The following ZSCAN9 variants were observed in gnomAD, a reference collection of about 807,000 sequenced individuals.
ZSCAN9 encodes zinc finger and SCAN domain containing 9, also known as zinc finger and SCAN domain-containing protein 9.
In ZSCAN9, 19 loss-of-function variants were observed where a neutral mutation model predicts 23.0. That is an observed-to-expected ratio of 0.83 (90% CI 0.58 to 1.21). The LOEUF is 1.21. ZSCAN9 is among the 50% of genes most tolerant of loss of function. The probability of loss-of-function intolerance (pLI) is 0.00; values close to 1 mark genes in which losing one functional copy is unlikely to be tolerated. For missense variants in ZSCAN9, 467 were observed against 471.5 expected, an observed-to-expected ratio of 0.99 and a Z score of 0.09; for synonymous variants, 155 against 164.8, an observed-to-expected ratio of 0.94 and a Z score of 0.46.
Position 28,233,079 on chromosome 6 carries a change from G to T in ZSCAN9, c.1086G>T (p.Gly362=). The change falls in exon 4 of 4, where the codon GGG becomes GGT. Residue 362 remains glycine, a synonymous_variant. Coordinates refer to ENST00000252207, the MANE Select transcript of ZSCAN9 (RefSeq NM_006299.5). Reference sequence around the variant, plus strand: ...TTGAACATCAGAGAAGCCACACAGGGGAGCGACCTCACCAGTGCATTGAAT... The same window carrying T: ...TTGAACATCAGAGAAGCCACACAGGTGAGCGACCTCACCAGTGCATTGAAT... ...FLIEHQRSHT[G]ERPHQCIECG... 6.2e-7 allele frequency: 1 copy of T among 1,614,088 alleles called. No homozygotes were observed. The highest frequency in any genetic ancestry group is 8.5e-7 in the Non-Finnish European group (1 of 1,180,020).
intron 3 of ZSCAN9, chr6:28,229,369 G>A (rs1760216725): frequency 6.5e-6 from 1 of 153,142 alleles, no homozygotes; most frequent in Non-Finnish European, 1.5e-5. Context: ...CTTCCAAACT[G>A]CATCTAGAAC....
chr6:28,232,829 A>T lies in ZSCAN9; in HGVS notation c.836A>T (p.Glu279Val). Residue 279 changes from glutamate (E) to valine (V), a missense_variant, in exon 4 of 4, where the codon GAA (glutamate) becomes GTA (valine). Coordinates refer to ENST00000252207, the MANE Select transcript of ZSCAN9 (RefSeq NM_006299.5). ...CGACATCAAAGAATTCATACTGGAG[A>T]AAGACCTTATGAATGTAATGAATGT... ...LIRHQRIHTG[E>V]RPYECNECGK... 6.2e-7 allele frequency: 1 copy of T among 1,614,170 alleles called. No homozygotes were observed. Among genetic ancestry groups the T allele is most frequent in the Non-Finnish European group, 8.5e-7 (1 of 1,180,026 alleles).
chr6:28,230,588 T>G, intron 3 of ZSCAN9: 1 of 1,107,456 alleles, frequency 9.0e-7, no homozygotes, highest in Non-Finnish European at 1.2e-6. Flanking sequence ...GTCCTCGGCC[T>G]TTTTCTGGGT....
rs527628225 is a variant in ZSCAN9 at position 28,225,307 on chromosome 6, C to G, written c.-133C>G. 6.6e-6 allele frequency: 1 copy of G among 152,144 alleles called. No individual in the cohort carries two copies. The highest frequency in any genetic ancestry group is 1.9e-4 in the East Asian group (1 of 5,194). 9.4% of individuals were successfully genotyped at this position (152,144 alleles called of 1,614,324 possible). The stretch of plus-strand genomic sequence containing the variant: ...TTCCCTGCCCGGCCATTGTTCGTGC[C>G]GCGCTTCTAGCAACGCCGGGCCGGT... On this transcript the variant is annotated 5_prime_UTR_variant, in exon 1 of 4. Coordinates refer to ENST00000252207, the MANE Select transcript of ZSCAN9 (RefSeq NM_006299.5).
intron 3 of ZSCAN9, chr6:28,229,149 T>G (rs750913028): frequency 6.6e-6 from 1 of 152,248 alleles, no homozygotes; most frequent in Non-Finnish European, 1.5e-5. Flanking sequence ...TTCTATTACA[T>G]GGAACTCATC....
chr6:28,231,536 G>A (rs1760300822), intron 3 of ZSCAN9, among the ~76,000 whole-genome samples: 1 of 152,182 alleles, frequency 6.6e-6, no homozygotes, highest in Non-Finnish European at 1.5e-5. Context: ...CATGAGGCCA[G>A]GAGTTTGAGA....
chr6:28,233,007 TCAGTGCAGC>T lies in ZSCAN9; in HGVS notation c.1023_1031del (p.Gln342_Ser344del), dbSNP rs763035513. ...GAATCCACAAAGGAGAAAAGCCGTA[TCAGTGCAGC>T]CAGTGCAGTAAGAGCTACAGTCGGC... is the stretch of plus-strand genomic sequence containing the variant. On this transcript the variant is annotated inframe_deletion, in exon 4 of 4. Coordinates refer to ENST00000252207, the MANE Select transcript of ZSCAN9 (RefSeq NM_006299.5). 67 of 1,614,036 alleles carry T rather than the reference TCAGTGCAGC, an allele frequency of 4.2e-5. No homozygotes were observed. The highest frequency in any genetic ancestry group is 5.1e-5 in the Non-Finnish European group (60 of 1,180,036).
At chr6:28,230,087 G>C (rs1170424957) in intron 3 of ZSCAN9, among the ~76,000 whole-genome samples, 2 of 152,136 alleles carry the variant, frequency 1.3e-5, no homozygotes, top group Non-Finnish European at 2.9e-5. Flanking sequence ...TCGATCTCCT[G>C]ACCTCGTGAT....
chr6:28,232,620 A>G lies in ZSCAN9; in HGVS notation c.627A>G (p.Ile209Met). 6.2e-7 allele frequency: 1 copy of G among 1,614,254 alleles called. No homozygotes were observed. Among genetic ancestry groups the G allele is most frequent in the Non-Finnish European group, 8.5e-7 (1 of 1,180,046 alleles). The change falls in exon 4 of 4, where the codon ATA becomes ATG. Residue 209 changes from isoleucine to methionine, a missense_variant. Transcript: ENST00000252207. ...TGCTAAGGAAAGACTGTCCTAAGAT[A>G]GTGGAACCACATGGGAAAATGTTTA... ...ELVLRKDCPK[I>M]VEPHGKMFNE...
At chr6:28,231,369 G>A (rs2113655376) in intron 3 of ZSCAN9, among the ~76,000 whole-genome samples, 1 of 152,280 alleles carries the variant, frequency 6.6e-6, no homozygotes, top group South Asian at 2.1e-4. Flanking sequence ...CTGGACAAAA[G>A]GAAGACTCAT....
chr6:28,228,096 G>C (rs1225466596), intron 3 of ZSCAN9: 1 of 683,262 alleles, frequency 1.5e-6, no homozygotes, highest in East Asian at 2.7e-5. Context: ...TCGCTGTGGA[G>C]CACAGCTTCA....
chr6:28,229,490 G>A (rs908556471), intron 3 of ZSCAN9, among the ~76,000 whole-genome samples: 1 of 142,342 alleles, frequency 7.0e-6, no homozygotes, highest in Admixed American at 6.8e-5. Context: ...ATGGCTGTAG[G>A]AGAATATCCA....
intron 3 of ZSCAN9, 52 bp from the exon 4 acceptor site, chr6:28,232,510 C>G (rs976097889): frequency 6.6e-5 from 102 of 1,556,976 alleles, no homozygotes; most frequent in Non-Finnish European, 8.8e-5. Context: ...AGTCACCTTC[C>G]CATAGGCTCA....
chr6:28,233,137 A>C lies in ZSCAN9; in HGVS notation c.1144A>C (p.Ile382Leu), dbSNP rs761036221. Residue 382 changes from isoleucine to leucine, a missense_variant, in exon 4 of 4, where the codon ATT (isoleucine) becomes CTT (leucine). Physicochemically the swap from Ile to Leu is conservative, Grantham distance 5 (BLOSUM62 2). Coordinates refer to ENST00000252207, the MANE Select transcript of ZSCAN9 (RefSeq NM_006299.5). ...GKSFNRHCNL[I>L]RHQKIHTVAE... Reference sequence around the variant, plus strand: ...AAGCTTTAATCGACACTGCAACCTCATTCGCCATCAGAAGATCCACACAGT... The same window carrying C: ...AAGCTTTAATCGACACTGCAACCTCCTTCGCCATCAGAAGATCCACACAGT... 3.7e-6 allele frequency: 6 copies of C among 1,614,158 alleles called. No homozygotes were observed. The highest frequency in any genetic ancestry group is 5.1e-6 in the Non-Finnish European group (6 of 1,180,022).
chr6:28,233,328 G>T lies in ZSCAN9; in HGVS notation c.*150G>T. On this transcript the variant is annotated 3_prime_UTR_variant, in exon 4 of 4. Transcript: ENST00000252207. The stretch of plus-strand genomic sequence containing the variant: ...CAGGGACTTCCTTAAAGGAAAGTTG[G>T]GTGTTTGAAGCTACTGTTTTCTCTT... 6 of 1,378,804 alleles carry T rather than the reference G, an allele frequency of 4.4e-6. No homozygotes were observed. The highest frequency in any genetic ancestry group is 1.6e-5 in the South Asian group (1 of 62,410). The allele number at this position is 1,378,804 out of a possible 1,614,324, so 85.4% of individuals were successfully genotyped here. A position where few individuals can be genotyped will look rare whatever the true frequency, so the allele number is the denominator to read the frequency against.
chr6:28,228,934 C>T (rs543688236), intron 3 of ZSCAN9: 1 of 153,224 alleles, frequency 6.5e-6, no homozygotes, highest in East Asian at 1.9e-4. Context: ...GCCCTCCCTG[C>T]AGGAATTGGC....
At chr6:28,226,410 T>C (rs1760118565) in intron 1 of ZSCAN9, among the ~76,000 whole-genome samples, 2 of 152,264 alleles carry the variant, frequency 1.3e-5, no homozygotes, top group South Asian at 2.1e-4. Flanking sequence ...ACAGTAACAA[T>C]ATTTCCATTT....
intron 3 of ZSCAN9, 95 bp from the exon 4 acceptor site, chr6:28,232,467 A>G (rs1760339150): frequency 4.6e-6 from 7 of 1,511,992 alleles, no homozygotes; most frequent in Non-Finnish European, 4.4e-6. Flanking sequence ...TTTCTAGCCC[A>G]CTTCCTTTTC....
intron 3 of ZSCAN9, chr6:28,228,379 C>G (rs1714082877): frequency 3.2e-6 from 1 of 315,858 alleles, no homozygotes; most frequent in African/African-American, 2.2e-5. Context: ...AGGCCTCTTC[C>G]TGGCTTATAG....
Sources: allele counts gnomAD v4.1 joint callset (sites outside exome capture counted in the v4.1 genomes callset), GRCh38; gene constraint gnomAD v4.1.1; transcripts MANE v1.5; gene names NCBI Gene and HGNC (gene_info 2026-07-23, HGNC 2026-07-21).